Variants in TWSG1 observed in about 807,000 individuals in gnomAD.
The protein encoded by TWSG1 is twisted gastrulation BMP signaling modulator 1, also known as twisted gastrulation protein homolog 1.
In TWSG1, 15 loss-of-function variants were observed where a neutral mutation model predicts 23.0. The ratio of observed to expected loss-of-function variants is 0.65; its 90% CI spans 0.44 to 1.00. The LOEUF (loss-of-function observed/expected upper bound fraction) is 1.00, where lower values mean the gene tolerates loss of function less well. Ranked by LOEUF, TWSG1 falls within the 50% of genes least tolerant of loss-of-function variation. TWSG1 has a pLI of 0.00. For synonymous variants in TWSG1, 86 were observed against 92.8 expected (o/e 0.93, Z 0.42); for missense variants, 242 against 278.7 (o/e 0.87, Z 0.94).
At chr18:9,375,649 A>G (rs1299118165) in intron 3 of TWSG1, among the ~76,000 whole-genome samples, 1 of 152,264 alleles carries the variant, frequency 6.6e-6, no homozygotes, top group Admixed American at 6.5e-5. Flanking sequence ...AAGTTGCAGG[A>G]TATAAGGTTA....
intron 2 of TWSG1, among the ~76,000 whole-genome samples, chr18:9,352,566 A>C (rs1181878511): frequency 6.6e-6 from 1 of 152,180 alleles, no homozygotes; most frequent in East Asian, 1.9e-4. Context: ...ACCGAGACTC[A>C]GGGTTGCAAA....
At chr18:9,387,610 C>CG (rs2040691146) in intron 3 of TWSG1, among the ~76,000 whole-genome samples, 1 of 149,444 alleles carries the variant, frequency 6.7e-6, no homozygotes, top group Non-Finnish European at 1.5e-5. Context: ...ACTAAAAATA[C>CG]AAAAAAAAAA....
At chr18:9,380,292 T>C (rs1195544202) in intron 3 of TWSG1, among the ~76,000 whole-genome samples, 1 of 152,104 alleles carries the variant, frequency 6.6e-6, no homozygotes, top group East Asian at 1.9e-4. Context: ...ATGAGGAAAC[T>C]GTGGCCAGAA....
At chr18:9,369,712 G>T (rs1030173800) in intron 3 of TWSG1, among the ~76,000 whole-genome samples, 6 of 151,886 alleles carry the variant, frequency 4.0e-5, no homozygotes, top group African/African-American at 1.5e-4. Context: ...TTTAATTTTT[G>T]TAGCAATGGG....
intron 2 of TWSG1, among the ~76,000 whole-genome samples, chr18:9,350,296 A>G (rs2040496593): frequency 6.6e-6 from 1 of 152,146 alleles, no homozygotes; most frequent in Non-Finnish European, 1.5e-5. Context: ...TGTTTAATGC[A>G]GTTATAGTAG....
chr18:9,397,261 G>C (rs1387098213), intron 4 of TWSG1, among the ~76,000 whole-genome samples: 1 of 152,152 alleles, frequency 6.6e-6, no homozygotes, highest in Non-Finnish European at 1.5e-5. Context: ...GTGACATTCA[G>C]AGTATCCCAT....
intron 2 of TWSG1, among the ~76,000 whole-genome samples, chr18:9,357,411 A>G (rs1476712460): frequency 6.6e-6 from 1 of 152,212 alleles, no homozygotes; most frequent in Non-Finnish European, 1.5e-5. Context: ...ACAAAAAACA[A>G]TAACAAAACC....
chr18:9,391,852 G>A (rs767659041), intron 3 of TWSG1, among the ~76,000 whole-genome samples: 8 of 152,326 alleles, frequency 5.3e-5, no homozygotes, highest in East Asian at 3.9e-4. Context: ...CCCCTTGTAC[G>A]TCTTCATCAG....
chr18:9,396,382 A>G lies in TWSG1; in HGVS notation c.326A>G (p.Glu109Gly). Residue 109 changes from glutamate to glycine, a missense_variant, in exon 4 of 5, where the codon GAA (glutamate) becomes GGA (glycine). Glu to Gly is a moderately conservative substitution (Grantham distance 98). Transcript: ENST00000262120. ...CCTTCTCTCTTCCGGGCACTCACAG[A>G]AGGAGATACTCAGTTGAATTGGAAC... Reference protein sequence around the residue: ...PIPSLFRALTEGDTQLNWNIV... With the variant: ...PIPSLFRALTGGDTQLNWNIV... The G allele has an allele frequency of 1.2e-6, 2 of 1,614,172 alleles. No homozygotes were observed. Among genetic ancestry groups the G allele is most frequent in the Non-Finnish European group, 1.7e-6 (2 of 1,180,028 alleles).
At chr18:9,358,248 C>G (rs910712934) in intron 2 of TWSG1, among the ~76,000 whole-genome samples, 4 of 151,900 alleles carry the variant, frequency 2.6e-5, no homozygotes, top group African/African-American at 2.4e-5. Context: ...AATGGGGGGG[C>G]CACAGGATAA....
intron 4 of TWSG1, among the ~76,000 whole-genome samples, chr18:9,399,084 C>T (rs2040750838): frequency 6.6e-6 from 1 of 152,032 alleles, no homozygotes; most frequent in Non-Finnish European, 1.5e-5. Flanking sequence ...AATAATCCAA[C>T]TTTTCGATCA....
At chr18:9,372,819 A>G (rs2040612079) in intron 3 of TWSG1, among the ~76,000 whole-genome samples, 1 of 152,120 alleles carries the variant, frequency 6.6e-6, no homozygotes. Context: ...CCAAAAAGGC[A>G]GAAAAAGAGT....
intron 2 of TWSG1, among the ~76,000 whole-genome samples, chr18:9,342,291 G>T (rs2040449464): frequency 6.6e-6 from 1 of 152,174 alleles, no homozygotes; most frequent in Non-Finnish European, 1.5e-5. Flanking sequence ...ACCATACTGT[G>T]CGAGTATTGT....
intron 3 of TWSG1, among the ~76,000 whole-genome samples, chr18:9,372,753 A>C (rs376785810): frequency 7.9e-5 from 12 of 152,106 alleles, no homozygotes; most frequent in Admixed American, 3.9e-4. Flanking sequence ...CCACTAAAAA[A>C]AGTAGAAGCT....
At chr18:9,397,860 TG>T (rs2040744152) in intron 4 of TWSG1, among the ~76,000 whole-genome samples, 1 of 151,926 alleles carries the variant, frequency 6.6e-6, no homozygotes, top group Non-Finnish European at 1.5e-5. Context: ...CAAAATTAGC[TG>T]GGCGTGGTAG....
At position 9,400,369 on chromosome 18, in the gene TWSG1, C is replaced by G. The variant is rs966545763; in HGVS notation, c.*842C>G. On this transcript the variant is annotated 3_prime_UTR_variant, in exon 5 of 5. Coordinates refer to ENST00000262120, the MANE Select transcript of TWSG1 (RefSeq NM_020648.6). ...TAGGGATGGGGAACGAATGCCAAAT[C>G]AGACTCCACCTAGAGCACCAGGAAA... The G allele has an allele frequency of 2.6e-5, 4 of 152,156 alleles. No homozygotes were observed. The highest frequency in any genetic ancestry group is 9.7e-5 in the African/African-American group (4 of 41,438). The allele number at this position is 152,156 out of a possible 1,614,324, so 9.4% of individuals were successfully genotyped here. A position where few individuals can be genotyped will look rare whatever the true frequency, so the allele number is the denominator to read the frequency against.
chr18:9,356,410 C>T (rs73399964), intron 2 of TWSG1, among the ~76,000 whole-genome samples: 347 of 152,254 alleles, frequency 2.3e-3, no homozygotes, highest in African/African-American at 7.9e-3. Context: ...GTTTAAAACA[C>T]TTCACAAATA....
At chr18:9,340,700 G>T (rs1226142496) in intron 2 of TWSG1, among the ~76,000 whole-genome samples, 2 of 152,168 alleles carry the variant, frequency 1.3e-5, no homozygotes, top group Non-Finnish European at 2.9e-5. Context: ...GCGGCTTGAA[G>T]GTGGTGGGGG....
intron 3 of TWSG1, among the ~76,000 whole-genome samples, chr18:9,367,370 A>G (rs550747116): frequency 3.3e-5 from 5 of 152,320 alleles, no homozygotes; most frequent in African/African-American, 1.2e-4. Context: ...AGCTCCTGGT[A>G]ACCATTCTGC....
Sources: allele counts gnomAD v4.1 joint callset (sites outside exome capture counted in the v4.1 genomes callset), GRCh38; gene constraint gnomAD v4.1.1; transcripts MANE v1.5; gene names NCBI Gene and HGNC (gene_info 2026-07-23, HGNC 2026-07-21).